SLC9A2: variants seen among roughly 807,000 people sequenced by gnomAD.
SLC9A2 encodes sodium/hydrogen exchanger 2.
In SLC9A2, 42 loss-of-function variants were observed where a neutral mutation model predicts 71.7. That is an observed-to-expected ratio of 0.59 (90% CI 0.46 to 0.76). The LOEUF (loss-of-function observed/expected upper bound fraction) is 0.76. Among genes scored for constraint, SLC9A2 ranks in the 30% least tolerant of loss-of-function variants. The pLI is 0.00. For synonymous variants in SLC9A2, 396 were observed against 392.5 expected, an observed-to-expected ratio of 1.01 and a Z score of -0.10; for missense variants, 829 against 1,017.4, an observed-to-expected ratio of 0.81 and a Z score of 2.52.
rs1322007593 is a variant in SLC9A2 at position 102,708,155 on chromosome 2, C to G, written c.2105C>G (p.Thr702Ser). Residue 702 changes from threonine (T) to serine (S), a missense_variant, in exon 12 of 12, where the codon ACC becomes AGC. Thr to Ser is a moderately conservative substitution (Grantham distance 58). Transcript: ENST00000233969. ...AGCGACTCAGACGCAGATGCCGGGA[C>G]CACCGTGCTCAATTTGCAGCCCAGA... ...NSSDSDADAG[T>S]TVLNLQPRAR... 6.2e-7 allele frequency: 1 copy of G among 1,613,794 alleles called. No homozygotes were observed. Among genetic ancestry groups the G allele is most frequent in the African/African-American group, 1.3e-5 (1 of 74,904 alleles).
Position 102,708,757 on chromosome 2 carries a change from C to A in SLC9A2, c.*268C>A. 1 of 365,858 alleles carries A rather than the reference C, an allele frequency of 2.7e-6. No individual in the cohort carries two copies. The allele number at this position is 365,858 out of a possible 1,614,324, so 22.7% of individuals were successfully genotyped here. The stretch of plus-strand genomic sequence containing the variant: ...GAAGAGAAAAAATGGTAATGTGTGC[C>A]TTTATTGAACTTGAATGACAGAACT... On this transcript the variant is annotated 3_prime_UTR_variant, in exon 12 of 12. Coordinates refer to ENST00000233969, the MANE Select transcript of SLC9A2 (RefSeq NM_003048.6).
rs916031328 is a variant in SLC9A2, at chr2:102,672,320, G to A, written c.1004+6970G>A. ...TTTTCACTGTGAATAGTAGGAAACT[G>A]CAGATTACACATACAGCTCTGATGA... On this transcript the variant is annotated intron_variant, in intron 3 of 11. Coordinates refer to ENST00000233969, the MANE Select transcript of SLC9A2 (RefSeq NM_003048.6). Among the ~76,000 whole-genome samples the A allele has an allele frequency of 2.0e-5, 3 of 151,830 alleles. No homozygotes were observed. The East Asian group carries it at 5.8e-4, about 29-fold the overall frequency.
At chr2:102,685,316 C>A (rs1336992506) in intron 5 of SLC9A2, among the ~76,000 whole-genome samples, 1 of 152,138 alleles carries the variant, frequency 6.6e-6, no homozygotes, top group African/African-American at 2.4e-5. Flanking sequence ...GGTCTGGAGT[C>A]CTACATCATG....
chr2:102,668,353 G>A (rs1677183452), intron 3 of SLC9A2, among the ~76,000 whole-genome samples: 1 of 118,796 alleles, frequency 8.4e-6, no homozygotes, highest in Non-Finnish European at 1.8e-5. Flanking sequence ...TCACAGATGT[G>A]CATGCCCCGC....
intron 1 of SLC9A2, among the ~76,000 whole-genome samples, chr2:102,654,589 T>C (rs1676902434): frequency 6.6e-6 from 1 of 152,244 alleles, no homozygotes; most frequent in Non-Finnish European, 1.5e-5. Context: ...GTTTGTAAGC[T>C]CTTAAGGATT....
chr2:102,631,012 A>G lies in SLC9A2; in HGVS notation c.289+10875A>G, dbSNP rs138305181. Among the ~76,000 whole-genome samples, 308 of 152,136 alleles carry G rather than the reference A, an allele frequency of 2.0e-3. 1 individual carries two copies. Among genetic ancestry groups the G allele is most frequent in the African/African-American group, 7.2e-3 (298 of 41,524 alleles). ...AGCTTAACTTCAGCAGGTGATGTTT[A>G]TTTGGTAAACGTCTGTTTTCTTTAA... On this transcript the variant is annotated intron_variant, in intron 1 of 11. Coordinates refer to ENST00000233969, the MANE Select transcript of SLC9A2 (RefSeq NM_003048.6).
Position 102,658,151 on chromosome 2 carries a change from C to A in SLC9A2, c.753+124C>A, listed in dbSNP as rs1159860844. ...CACAGGGTGGTTTCATGAGCAATTG[C>A]CCAGGGCCCTTCACTTGGTTTAATG... On this transcript the variant is annotated intron_variant, in intron 2 of 11. Coordinates refer to ENST00000233969, the MANE Select transcript of SLC9A2 (RefSeq NM_003048.6). 12 of 660,244 alleles carry A rather than the reference C, an allele frequency of 1.8e-5. No individual in the cohort carries two copies. In the East Asian group the frequency reaches 3.0e-4, roughly 17 times the overall value. The allele number at this position is 660,244 out of a possible 1,614,324, so 40.9% of individuals were successfully genotyped here.
chr2:102,708,116 T>C lies in SLC9A2; in HGVS notation c.2069-3T>C, dbSNP rs17833353. On this transcript the variant is annotated splice_polypyrimidine_tract_variant and splice_region_variant and intron_variant, in intron 11 of 11. Coordinates refer to ENST00000233969, the MANE Select transcript of SLC9A2 (RefSeq NM_003048.6). ...GCCCACCTTGTCTTTTGCTCCGTGA[T>C]AGATGGCAATAGCAGCGACTCAGAC... 422,465 of 1,607,814 alleles carry C rather than the reference T, an allele frequency of 0.26. 59,407 individuals are homozygous for C. Among genetic ancestry groups the C allele is most frequent in the Admixed American group, 0.34 (20,290 of 59,374 alleles).
intron 1 of SLC9A2, among the ~76,000 whole-genome samples, chr2:102,647,382 A>G (rs1425059910): frequency 6.6e-6 from 1 of 152,264 alleles, no homozygotes; most frequent in African/African-American, 2.4e-5. Context: ...AAATGCCCAC[A>G]TCAGAAAGTG....
chr2:102,643,048 G>T (rs1204586283), intron 1 of SLC9A2, among the ~76,000 whole-genome samples: 1 of 152,000 alleles, frequency 6.6e-6, no homozygotes, highest in Admixed American at 6.6e-5. Context: ...TACAGGGTCT[G>T]TAGTGATTTC....
chr2:102,666,227 G>A (rs1267393767), intron 3 of SLC9A2, among the ~76,000 whole-genome samples: 4 of 119,966 alleles, frequency 3.3e-5, no homozygotes, highest in Admixed American at 1.2e-4. Flanking sequence ...GCGGAGTCTC[G>A]CTCTCTCGCC....
intron 1 of SLC9A2, among the ~76,000 whole-genome samples, chr2:102,629,938 C>T (rs1017828834): frequency 2.0e-5 from 3 of 152,060 alleles, no homozygotes; most frequent in Admixed American, 6.6e-5. Context: ...TTAGCTAATA[C>T]ATGTAAAGTG....
chr2:102,708,379 A>T lies in SLC9A2; in HGVS notation c.2329A>T (p.Arg777Trp). The change falls in exon 12 of 12, where the codon AGG (arginine) becomes TGG (tryptophan). Residue 777 changes from arginine (R) to tryptophan (W), a missense_variant. Transcript: ENST00000233969. ...LLSKDQSGSE[R>W]EDSLTEGIPP... ...CTCTAAAGACCAGTCTGGCTCAGAG[A>T]GGGAAGACAGTTTGACTGAAGGCAT... 1 of 1,614,182 alleles carries T rather than the reference A, an allele frequency of 6.2e-7. No individual in the cohort carries two copies. Among genetic ancestry groups the T allele is most frequent in the Non-Finnish European group, 8.5e-7 (1 of 1,180,036 alleles).
chr2:102,694,114 T>C (rs898430317), intron 5 of SLC9A2, among the ~76,000 whole-genome samples: 6 of 152,268 alleles, frequency 3.9e-5, no homozygotes, highest in Admixed American at 6.5e-5. Context: ...TGGCCTACTT[T>C]ATTATTTTGT....
chr2:102,706,385 T>C (rs1230831212), intron 11 of SLC9A2, among the ~76,000 whole-genome samples: 3 of 151,512 alleles, frequency 2.0e-5, no homozygotes, highest in Non-Finnish European at 2.9e-5. Flanking sequence ...TGAGAACACT[T>C]GGACACAGGA....
At chr2:102,683,789 C>T (rs1677499446) in intron 4 of SLC9A2, among the ~76,000 whole-genome samples, 1 of 151,896 alleles carries the variant, frequency 6.6e-6, no homozygotes, top group Non-Finnish European at 1.5e-5. Flanking sequence ...CTGCCTCTTC[C>T]TCTTCCCCTT....
At chr2:102,703,294 C>T (rs533597551) in intron 9 of SLC9A2, among the ~76,000 whole-genome samples, 6 of 152,210 alleles carry the variant, frequency 3.9e-5, no homozygotes, top group Non-Finnish European at 5.9e-5. Flanking sequence ...AATTTGGACT[C>T]TATTTCCAAG....
At chr2:102,654,438 T>C (rs1676898779) in intron 1 of SLC9A2, among the ~76,000 whole-genome samples, 1 of 152,170 alleles carries the variant, frequency 6.6e-6, no homozygotes. Flanking sequence ...TTTTGTAGTA[T>C]AAATATTAAA....
At chr2:102,671,309 A>C (rs1330317569) in intron 3 of SLC9A2, among the ~76,000 whole-genome samples, 1 of 152,204 alleles carries the variant, frequency 6.6e-6, no homozygotes, top group Non-Finnish European at 1.5e-5. Flanking sequence ...TGACTGGCCA[A>C]GACTGACCAC....
Sources: gnomAD v4.1 joint callset for allele counts (sites outside exome capture counted in the v4.1 genomes callset) on GRCh38, gnomAD v4.1.1 for gene constraint, MANE v1.5 for transcripts, NCBI Gene and HGNC (gene_info 2026-07-23, HGNC 2026-07-21) for gene names.